The following PCDHA10 variants were observed in gnomAD, a reference collection of about 807,000 sequenced individuals.
The protein encoded by PCDHA10 is protocadherin alpha-10.
In PCDHA10, 45 loss-of-function variants were observed where a neutral mutation model predicts 61.2. That is an observed-to-expected ratio of 0.74 (90% confidence interval 0.58 to 0.94). The LOEUF (loss-of-function observed/expected upper bound fraction) is 0.94. Among genes scored for constraint, PCDHA10 ranks in the 40% least tolerant of loss-of-function variants. The pLI, the probability that PCDHA10 is intolerant of heterozygous loss-of-function variation, is 0.00. For synonymous variants in PCDHA10, 602 were observed against 548.8 expected, an observed-to-expected ratio of 1.10 and a Z score of -1.35; for missense variants, 1,278 against 1,236.2, an observed-to-expected ratio of 1.03 and a Z score of -0.51.
chr5:140,906,120 A>C (rs1554192404), intron 1 of PCDHA10, among the ~76,000 whole-genome samples: 1 of 152,134 alleles, frequency 6.6e-6, no homozygotes, highest in East Asian at 1.9e-4. Flanking sequence ...CCACTGACAC[A>C]AATGTTAGTC....
chr5:140,957,717 A>G (rs2095377934), intron 1 of PCDHA10, among the ~76,000 whole-genome samples: 1 of 152,166 alleles, frequency 6.6e-6, no homozygotes, highest in African/African-American at 2.4e-5. Context: ...TTATTAAGAA[A>G]GAAGCAGAAT....
chr5:141,002,675 A>G (rs782045638), intron 3 of PCDHA10, among the ~76,000 whole-genome samples: 5 of 152,222 alleles, frequency 3.3e-5, no homozygotes, highest in African/African-American at 4.8e-5. Context: ...ACCAAAACCT[A>G]TACGACGTGC....
chr5:140,929,614 A>G (rs1554207224), intron 1 of PCDHA10: 1 of 405,948 alleles, frequency 2.5e-6, no homozygotes, highest in African/African-American at 2.1e-5. Context: ...ATAAAATACC[A>G]AAATATTTTA....
chr5:140,980,819 A>C (rs1178317133), intron 2 of PCDHA10, among the ~76,000 whole-genome samples: 1 of 152,216 alleles, frequency 6.6e-6, no homozygotes, highest in East Asian at 1.9e-4. Context: ...TGAACATATT[A>C]AATGAGTTGT....
intron 1 of PCDHA10, among the ~76,000 whole-genome samples, chr5:140,895,314 G>A (rs2064960648): frequency 6.6e-6 from 1 of 151,858 alleles, no homozygotes; most frequent in Non-Finnish European, 1.5e-5. Context: ...TTCCACCCAT[G>A]ACTATTGTTC....
In PCDHA10 at chr5:140,915,626, GTCTCTCTC is replaced by G. The variant is rs57920489; in HGVS notation, c.2388+57213_2388+57220del. ...ACTTTCTGTCAAACAGTCTCTTTCT[GTCTCTCTC>G]TCTCTCTCTCTCTCTCTCTCTCAAG... is the stretch of plus-strand genomic sequence containing the variant. On this transcript the variant is annotated intron_variant, in intron 1 of 3. Transcript: ENST00000307360. Among the ~76,000 whole-genome samples, 662 of 146,534 alleles carry G rather than the reference GTCTCTCTC, an allele frequency of 4.5e-3. 3 individuals are homozygous for G. The highest frequency in any genetic ancestry group is 0.016 in the African/African-American group (641 of 39,750).
chr5:141,002,356 C>G (rs2098075572), intron 3 of PCDHA10, among the ~76,000 whole-genome samples: 1 of 152,272 alleles, frequency 6.6e-6, no homozygotes, highest in Non-Finnish European at 1.5e-5. Flanking sequence ...CACCTCCACT[C>G]CTTTCAACTC....
intron 1 of PCDHA10, chr5:140,867,813 C>A (rs1189080463): frequency 6.6e-6 from 1 of 152,032 alleles, no homozygotes; most frequent in African/African-American, 2.4e-5. Flanking sequence ...TATGAAATTC[C>A]ATTTCCACAA....
chr5:140,957,597 A>G (rs1036559943), intron 1 of PCDHA10, among the ~76,000 whole-genome samples: 4 of 152,168 alleles, frequency 2.6e-5, no homozygotes, highest in Non-Finnish European at 5.9e-5. Context: ...ACTTCCCAGA[A>G]TAAACACACA....
At chr5:140,883,388 G>T (rs2059587175) in intron 1 of PCDHA10, 2 of 1,614,164 alleles carry the variant, frequency 1.2e-6, no homozygotes, top group Non-Finnish European at 1.7e-6. Context: ...CCTAATCAGT[G>T]TGTCCGATCG....
chr5:140,870,352 G>C, intron 1 of PCDHA10: 8 of 1,614,226 alleles, frequency 5.0e-6, no homozygotes, highest in Non-Finnish European at 5.9e-6. Context: ...CCGCGAGAAC[G>C]TGTGGGCCTA....
At chr5:140,960,903 G>C (rs560284839) in intron 1 of PCDHA10, among the ~76,000 whole-genome samples, 3 of 152,308 alleles carry the variant, frequency 2.0e-5, no homozygotes, top group African/African-American at 7.2e-5. Context: ...GGCATATCTT[G>C]AGTTTCAGAT....
intron 3 of PCDHA10, among the ~76,000 whole-genome samples, chr5:140,996,819 C>T (rs1446677147): frequency 6.6e-6 from 1 of 152,142 alleles, no homozygotes; most frequent in East Asian, 1.9e-4. Context: ...CAAAAGTAAC[C>T]ACTACCAATA....
intron 1 of PCDHA10, among the ~76,000 whole-genome samples, chr5:140,923,820 CG>C (rs1297703305): frequency 6.6e-6 from 1 of 152,106 alleles, no homozygotes; most frequent in Non-Finnish European, 1.5e-5. Flanking sequence ...TGAAAATAGA[CG>C]TCAGTGGCAG....
At chr5:140,863,307 C>G in intron 1 of PCDHA10, 1 of 1,462,496 alleles carries the variant, frequency 6.8e-7, no homozygotes. Context: ...TCGCCATCTG[C>G]GTGGTGTCCA....
intron 3 of PCDHA10, 104 bp from the exon 4 acceptor site, chr5:141,009,523 G>A: frequency 6.7e-7 from 1 of 1,502,140 alleles, no homozygotes; most frequent in Non-Finnish European, 8.9e-7. Flanking sequence ...GATTTTTCTG[G>A]GGAGGTTCAG....
chr5:140,995,334 T>C (rs2097677447), intron 3 of PCDHA10, among the ~76,000 whole-genome samples: 1 of 152,184 alleles, frequency 6.6e-6, no homozygotes, highest in Non-Finnish European at 1.5e-5. Context: ...GTGAGTAGTG[T>C]AGACGGCATG....
intron 1 of PCDHA10, chr5:140,927,843 CTT>C (rs1563097902): frequency 4.3e-6 from 7 of 1,614,186 alleles, no homozygotes; most frequent in African/African-American, 2.7e-5. Flanking sequence ...ACGAAGGTGT[CTT>C]TGGTTTAGCT....
intron 1 of PCDHA10, among the ~76,000 whole-genome samples, chr5:140,893,013 CCTGACTTATTTCA>C (rs2063781212): frequency 6.6e-6 from 1 of 152,170 alleles, no homozygotes; most frequent in African/African-American, 2.4e-5. Context: ...TTTTTCTGTG[CCTGACTTATTTCA>C]CTTAACATAT....
Sources: allele counts gnomAD v4.1 joint callset (sites outside exome capture counted in the v4.1 genomes callset), GRCh38; gene constraint gnomAD v4.1.1; transcripts MANE v1.5; gene names NCBI Gene and HGNC (gene_info 2026-07-23, HGNC 2026-07-21).